Variants in BTBD9 observed in about 807,000 individuals in gnomAD.
BTBD9 encodes BTB domain containing 9.
Under a neutral mutation model 64.3 loss-of-function variants are expected in BTBD9, and 49 were observed. That is an observed-to-expected ratio of 0.76 (90% CI 0.61 to 0.97). The LOEUF is 0.97. Ranked by LOEUF, BTBD9 falls within the 50% of genes least tolerant of loss-of-function variation. The probability of loss-of-function intolerance (pLI) is 0.00; values close to 1 mark genes in which losing one functional copy is unlikely to be tolerated. For missense variants in BTBD9, 598 were observed against 762.1 expected (o/e 0.78, Z 2.53); for synonymous variants, 260 against 274.7 (o/e 0.95, Z 0.53).
chr6:38,364,787 T>C (rs1464186396), intron 6 of BTBD9, among the ~76,000 whole-genome samples: 1 of 152,208 alleles, frequency 6.6e-6, no homozygotes, highest in Non-Finnish European at 1.5e-5. Context: ...TGGAAAATAC[T>C]AACATATCAT....
At chr6:38,244,831 C>T (rs1764126785) in intron 9 of BTBD9, among the ~76,000 whole-genome samples, 2 of 152,288 alleles carry the variant, frequency 1.3e-5, no homozygotes, top group Non-Finnish European at 2.9e-5. Flanking sequence ...CCAAAGATGA[C>T]AGATCAATAA....
At chr6:38,444,704 T>C (rs1005917883) in intron 6 of BTBD9, among the ~76,000 whole-genome samples, 8 of 152,194 alleles carry the variant, frequency 5.3e-5, no homozygotes, top group Non-Finnish European at 5.9e-5. Flanking sequence ...ATGAGGATTA[T>C]ACAGACTGTT....
At chr6:38,345,218 T>C in intron 6 of BTBD9, 125 bp from the exon 7 acceptor site, 1 of 529,132 alleles carries the variant, frequency 1.9e-6, no homozygotes, top group Non-Finnish European at 3.4e-6. Context: ...AAGGAGACTC[T>C]GAGCTTGACT....
intron 6 of BTBD9, among the ~76,000 whole-genome samples, chr6:38,402,437 T>C (rs1244258468): frequency 6.6e-6 from 1 of 151,920 alleles, no homozygotes. Flanking sequence ...TTAAAACTTA[T>C]GACAGACCAC....
chr6:38,617,622 T>C (rs1777835799), intron 1 of BTBD9, among the ~76,000 whole-genome samples: 1 of 152,184 alleles, frequency 6.6e-6, no homozygotes, highest in African/African-American at 2.4e-5. Context: ...ACAAAGGCCA[T>C]TCCCAAAGCC....
intron 6 of BTBD9, among the ~76,000 whole-genome samples, chr6:38,564,866 T>C (rs1301605690): frequency 6.6e-6 from 1 of 152,084 alleles, no homozygotes; most frequent in Non-Finnish European, 1.5e-5. Flanking sequence ...CACTCCAGCC[T>C]GGGCGACAGA....
chr6:38,528,370 T>C (rs547394442), intron 6 of BTBD9, among the ~76,000 whole-genome samples: 1 of 152,256 alleles, frequency 6.6e-6, no homozygotes, highest in Admixed American at 6.5e-5. Flanking sequence ...TAAATGTCTA[T>C]GCAAGTCCTG....
At chr6:38,528,801 C>A (rs1210250434) in intron 6 of BTBD9, among the ~76,000 whole-genome samples, 2 of 152,050 alleles carry the variant, frequency 1.3e-5, no homozygotes, top group Non-Finnish European at 2.9e-5. Context: ...TCATTGTGGG[C>A]CTTGGGTAAG....
At chr6:38,335,678 G>A (rs536164779) in intron 7 of BTBD9, among the ~76,000 whole-genome samples, 2 of 152,162 alleles carry the variant, frequency 1.3e-5, no homozygotes, top group East Asian at 3.9e-4. Context: ...CGATTCTCCT[G>A]CCTCAGCCTC....
rs1217099030 is a variant in BTBD9, at chr6:38,335,157, C to T, written c.1264+9827G>A. ...TGCCATGAATGTAAGTTTCCTGAGG[C>T]CTCTCCCCAGCCATGCACAACTGTG... On this transcript the variant is annotated intron_variant, in intron 7 of 10. Transcript: ENST00000481247. Among the ~76,000 whole-genome samples, 3 of 152,098 alleles carry T rather than the reference C, an allele frequency of 2.0e-5. No individual in the cohort carries two copies. The East Asian group carries it at 5.8e-4, about 29-fold the overall frequency.
chr6:38,295,868 A>G (rs1762139319), intron 7 of BTBD9, among the ~76,000 whole-genome samples: 1 of 152,012 alleles, frequency 6.6e-6, no homozygotes, highest in Middle Eastern at 3.2e-3. Context: ...GGCCAACATG[A>G]TGAAACCCCA....
intron 7 of BTBD9, among the ~76,000 whole-genome samples, chr6:38,330,202 G>A (rs370899449): frequency 6.6e-6 from 1 of 151,980 alleles, no homozygotes; most frequent in African/African-American, 2.4e-5. Context: ...TTACAGGCGT[G>A]CCACCACACC....
chr6:38,186,673 G>A (rs192836741), intron 10 of BTBD9, among the ~76,000 whole-genome samples: 152 of 152,300 alleles, frequency 1.0e-3, no homozygotes, highest in Non-Finnish European at 1.7e-3. Flanking sequence ...AGATGAATAT[G>A]ACACAGCCTC....
At chr6:38,638,650 C>CT in intron 1 of BTBD9, among the ~76,000 whole-genome samples, 1 of 152,334 alleles carries the variant, frequency 6.6e-6, no homozygotes, top group East Asian at 1.9e-4. Flanking sequence ...AGGTAACATA[C>CT]TTTACAGATT....
At chr6:38,341,564 C>A (rs765153672) in intron 7 of BTBD9, among the ~76,000 whole-genome samples, 4 of 152,134 alleles carry the variant, frequency 2.6e-5, no homozygotes, top group Non-Finnish European at 5.9e-5. Flanking sequence ...ATTTGGAAAT[C>A]CTTACAAAAA....
intron 6 of BTBD9, among the ~76,000 whole-genome samples, chr6:38,574,097 T>G (rs796915997): frequency 3.3e-5 from 5 of 152,232 alleles, no homozygotes; most frequent in African/African-American, 9.6e-5. Flanking sequence ...TCTAAGCTTT[T>G]GGCTACATAG....
intron 6 of BTBD9, among the ~76,000 whole-genome samples, chr6:38,529,917 G>A (rs1472364929): frequency 2.0e-5 from 3 of 151,810 alleles, no homozygotes; most frequent in Non-Finnish European, 2.9e-5. Flanking sequence ...GACTGCCTGC[G>A]GGGTCAGGCA....
chr6:38,237,400 A>G (rs1171470829), intron 9 of BTBD9, among the ~76,000 whole-genome samples: 1 of 152,228 alleles, frequency 6.6e-6, no homozygotes, highest in East Asian at 1.9e-4. Flanking sequence ...CAACTCCTGC[A>G]TGTTAGTTGC....
At chr6:38,561,324 A>G (rs1775252916) in intron 6 of BTBD9, among the ~76,000 whole-genome samples, 1 of 143,838 alleles carries the variant, frequency 7.0e-6, no homozygotes, top group Non-Finnish European at 1.6e-5. Flanking sequence ...CTGCGGAAAA[A>G]CAGGGAAGGA....
Sources: allele counts gnomAD v4.1 joint callset (sites outside exome capture counted in the v4.1 genomes callset), GRCh38; gene constraint gnomAD v4.1.1; transcripts MANE v1.5; gene names NCBI Gene and HGNC (gene_info 2026-07-23, HGNC 2026-07-21).